Variants in STPG2 observed in about 807,000 individuals in gnomAD.
STPG2 encodes the protein sperm tail PG-rich repeat containing 2.
Under a neutral mutation model 54.2 loss-of-function variants are expected in STPG2, and 56 were observed. That is an observed-to-expected ratio of 1.03 (90% CI 0.83 to 1.29). The LOEUF (loss-of-function observed/expected upper bound fraction) is 1.29, where lower values mean the gene tolerates loss of function less well. Ranked by LOEUF, STPG2 falls within the 50% of genes most tolerant of loss-of-function variation. The pLI is 0.00. For synonymous variants in STPG2, 200 were observed against 181.8 expected (o/e 1.10, Z -0.81); for missense variants, 596 against 544.9 (o/e 1.09, Z -0.93).
chr4:97,653,211 T>C (rs1166623242), intron 10 of STPG2, among the ~76,000 whole-genome samples: 1 of 151,992 alleles, frequency 6.6e-6, no homozygotes, highest in Admixed American at 6.6e-5. Flanking sequence ...TTAAAGGCAT[T>C]GTAGACTCAG....
chr4:97,999,577 T>C (rs1735349954), intron 5 of STPG2, among the ~76,000 whole-genome samples: 1 of 152,096 alleles, frequency 6.6e-6, no homozygotes, highest in Non-Finnish European at 1.5e-5. Flanking sequence ...CATGGGCTTG[T>C]AATTCCAGTT....
At chr4:97,824,516 G>A (rs1349641483) in intron 9 of STPG2, among the ~76,000 whole-genome samples, 1 of 152,156 alleles carries the variant, frequency 6.6e-6, no homozygotes, top group East Asian at 1.9e-4. Flanking sequence ...CTGTCAGAAA[G>A]AGGGGTACCT....
rs578014840 is a variant in STPG2 at position 97,574,745 on chromosome 4, T to C, written c.1321-15628A>G. On this transcript the variant is annotated intron_variant, in intron 10 of 10. Coordinates refer to ENST00000295268, the MANE Select transcript of STPG2 (RefSeq NM_174952.3). ...GAGGAGGTCAGAAAGACCTTTCTGC[T>C]TCTGTGGATTTTTAACTTTCTTTCG... Among the ~76,000 whole-genome samples the C allele has an allele frequency of 3.2e-3, 490 of 152,206 alleles. 2 individuals carry two copies. Among genetic ancestry groups the C allele is most frequent in the African/African-American group, 0.011 (453 of 41,556 alleles).
At chr4:97,863,498 T>C (rs6532705) in intron 8 of STPG2, among the ~76,000 whole-genome samples, 88,536 of 151,930 alleles carry the variant, frequency 0.58, 26,363 homozygotes, top group East Asian at 0.74. Flanking sequence ...GATGGATTCA[T>C]AGCCGAATTC....
chr4:97,696,854 C>A (rs1033245448), intron 10 of STPG2, among the ~76,000 whole-genome samples: 1 of 152,058 alleles, frequency 6.6e-6, no homozygotes, highest in South Asian at 2.1e-4. Context: ...TGCAAGAATG[C>A]CCATAATCAA....
intron 9 of STPG2, among the ~76,000 whole-genome samples, chr4:97,825,665 G>A (rs1560542791): frequency 6.6e-6 from 1 of 151,988 alleles, no homozygotes; most frequent in East Asian, 1.9e-4. Context: ...TTAAGAAACT[G>A]GTAAATGAAA....
intron 1 of STPG2, among the ~76,000 whole-genome samples, chr4:98,138,143 T>G (rs951278829): frequency 6.6e-6 from 1 of 151,980 alleles, no homozygotes; most frequent in Non-Finnish European, 1.5e-5. Flanking sequence ...AGTACAATAA[T>G]GAATAAGATA....
intron 9 of STPG2, among the ~76,000 whole-genome samples, chr4:97,794,303 T>C (rs1013731910): frequency 6.6e-6 from 1 of 152,096 alleles, no homozygotes; most frequent in Non-Finnish European, 1.5e-5. Flanking sequence ...AAACTACCCA[T>C]ATAATCTCAA....
At chr4:98,089,155 C>G (rs1738610739) in intron 5 of STPG2, among the ~76,000 whole-genome samples, 2 of 151,960 alleles carry the variant, frequency 1.3e-5, no homozygotes, top group Non-Finnish European at 2.9e-5. Flanking sequence ...ACCCATCACC[C>G]AGACATTGTA....
chr4:97,522,196 A>G (rs988665027), intron 4 of STPG2, among the ~76,000 whole-genome samples: 1 of 152,082 alleles, frequency 6.6e-6, no homozygotes, highest in Non-Finnish European at 1.5e-5. Context: ...AGTTCAATAC[A>G]TTAGAGTCTC....
At chr4:97,799,573 C>T (rs1283689390) in intron 9 of STPG2, among the ~76,000 whole-genome samples, 1 of 152,184 alleles carries the variant, frequency 6.6e-6, no homozygotes, top group Admixed American at 6.5e-5. Flanking sequence ...GATGGGCTTC[C>T]CTTTGTGGGT....
intron 8 of STPG2, among the ~76,000 whole-genome samples, chr4:97,904,144 G>T (rs919426123): frequency 6.6e-6 from 1 of 152,252 alleles, no homozygotes. Context: ...ACCTCTGGGG[G>T]CAGGGCACAG....
chr4:97,873,078 G>T (rs931615071), intron 8 of STPG2, among the ~76,000 whole-genome samples: 1 of 151,164 alleles, frequency 6.6e-6, no homozygotes, highest in Non-Finnish European at 1.5e-5. Flanking sequence ...ACACATATAC[G>T]TATGTACACA....
intron 10 of STPG2, among the ~76,000 whole-genome samples, chr4:97,635,316 G>A (rs1044329645): frequency 6.6e-6 from 1 of 152,196 alleles, no homozygotes; most frequent in Non-Finnish European, 1.5e-5. Context: ...CACTAGGCCT[G>A]CCCTAAAAGA....
rs562183692 is a variant in STPG2, at chr4:97,974,041, C to T, written c.773-1601G>A. Among the ~76,000 whole-genome samples, 7 of 152,300 alleles carry T rather than the reference C, an allele frequency of 4.6e-5. No homozygotes were observed. The South Asian group carries it at 1.2e-3, about 27-fold the overall frequency. ...CAGACAAAACACCAGCCCATGAAAGCATCCGGGAGGGAGGCTGTATCCTGC... is the reference window on the plus strand; with the variant it reads ...CAGACAAAACACCAGCCCATGAAAGTATCCGGGAGGGAGGCTGTATCCTGC... On this transcript the variant is annotated intron_variant, in intron 6 of 10. Coordinates refer to ENST00000295268, the MANE Select transcript of STPG2 (RefSeq NM_174952.3).
chr4:97,534,703 A>G (rs999540006), intron 4 of STPG2, among the ~76,000 whole-genome samples: 13 of 152,184 alleles, frequency 8.5e-5, no homozygotes, highest in African/African-American at 3.1e-4. Flanking sequence ...GTATGCAGTC[A>G]TGTAACCACT....
intron 5 of STPG2, among the ~76,000 whole-genome samples, chr4:98,073,658 C>T (rs1738073730): frequency 6.6e-6 from 1 of 152,038 alleles, no homozygotes; most frequent in African/African-American, 2.4e-5. Flanking sequence ...ATCTGGAAGG[C>T]GGAGGCTGCA....
intron 9 of STPG2, among the ~76,000 whole-genome samples, chr4:97,800,599 G>T (rs1468239582): frequency 1.3e-5 from 2 of 152,196 alleles, no homozygotes; most frequent in African/African-American, 2.4e-5. Flanking sequence ...CCTAATGGGG[G>T]GTGCCTCCCA....
At chr4:97,717,589 C>T (rs541897566) in intron 9 of STPG2, among the ~76,000 whole-genome samples, 1 of 152,150 alleles carries the variant, frequency 6.6e-6, no homozygotes, top group African/African-American at 2.4e-5. Context: ...ACCTCTAATA[C>T]ATACTTATCA....
Sources: allele counts gnomAD v4.1 joint callset (sites outside exome capture counted in the v4.1 genomes callset), GRCh38; gene constraint gnomAD v4.1.1; transcripts MANE v1.5; gene names NCBI Gene and HGNC (gene_info 2026-07-23, HGNC 2026-07-21).